The following UNC13C variants were observed in gnomAD, a reference collection of about 807,000 sequenced individuals.
UNC13C encodes the protein unc-13 homolog C.
In UNC13C, 174 loss-of-function variants were observed where a neutral mutation model predicts 245.4. The observed-to-expected ratio is 0.71, with a 90% CI of 0.63 to 0.80. The LOEUF (loss-of-function observed/expected upper bound fraction) is 0.80, where lower values mean the gene tolerates loss of function less well. Ranked by LOEUF, UNC13C falls within the 30% of genes least tolerant of loss-of-function variation. The pLI, the probability that UNC13C is intolerant of heterozygous loss-of-function variation, is 0.00. For missense variants in UNC13C, 2,829 were observed against 2,602.9 expected (o/e 1.09, Z -1.89); for synonymous variants, 992 against 895.1 (o/e 1.11, Z -1.93).
rs141158684 is a variant in UNC13C, at chr15:54,446,761, T to C, written c.4933+31694T>C. Among the ~76,000 whole-genome samples the C allele has an allele frequency of 5.0e-3, 767 of 152,270 alleles. 6 individuals carry two copies. Among genetic ancestry groups the C allele is most frequent in the African/African-American group, 0.017 (717 of 41,552 alleles). On this transcript the variant is annotated intron_variant, in intron 19 of 32. Transcript: ENST00000260323. ...ACAGGGACAAGTTGACTTCCTCTTT[T>C]CCCAGTTGAACGCCCTTTATTTCTT...
chr15:54,313,948 T>G (rs1567180126), intron 13 of UNC13C, among the ~76,000 whole-genome samples: 1 of 151,008 alleles, frequency 6.6e-6, no homozygotes, highest in Non-Finnish European at 1.5e-5. Context: ...CTTTTAGCCT[T>G]AAAAAAAAGA....
intron 20 of UNC13C, among the ~76,000 whole-genome samples, chr15:54,498,442 A>G (rs891371540): frequency 1.3e-5 from 2 of 152,126 alleles, no homozygotes; most frequent in African/African-American, 2.4e-5. Flanking sequence ...GAGTAAAAAA[A>G]GAAATCATGG....
At chr15:54,292,313 A>G (rs8033976) in intron 10 of UNC13C, among the ~76,000 whole-genome samples, 12,610 of 151,952 alleles carry the variant, frequency 0.083, 1,181 homozygotes, top group East Asian at 0.21. Flanking sequence ...GTCATTTTAA[A>G]TCATGCACAC....
In UNC13C at chr15:54,121,064, G is replaced by A. The variant is rs369762918; in HGVS notation, c.2984-21954G>A. ...ATTTAGTTGATAAAGCAGCAGCAGC[G>A]TTTGAGAGGATGGAGTCCAATTTTG... On this transcript the variant is annotated intron_variant, in intron 2 of 32. Coordinates refer to ENST00000260323, the MANE Select transcript of UNC13C (RefSeq NM_001080534.3). Among the ~76,000 whole-genome samples, 84 of 152,260 alleles carry A rather than the reference G, an allele frequency of 5.5e-4. No individual in the cohort carries two copies. The East Asian group carries it at 6.6e-3, about 12-fold the overall frequency.
At chr15:54,143,105 CATATT>C (rs1398860688) in intron 3 of UNC13C, 65 bp downstream of exon 3, 1 of 1,423,642 alleles carries the variant, frequency 7.0e-7, no homozygotes, top group African/African-American at 1.4e-5. Context: ...TTGTTTGTGA[CATATT>C]AGATCTGTTT....
At chr15:54,480,713 C>G (rs1295895374) in intron 19 of UNC13C, among the ~76,000 whole-genome samples, 1 of 151,828 alleles carries the variant, frequency 6.6e-6, no homozygotes, top group Non-Finnish European at 1.5e-5. Context: ...CATATATTTC[C>G]TTTTCTATGA....
the UNC13C span, among the ~76,000 whole-genome samples, chr15:53,931,677 A>G: frequency 1.3e-5 from 2 of 152,118 alleles, no homozygotes; most frequent in Non-Finnish European, 2.9e-5. Flanking sequence ...GAGACAACTA[A>G]ACCAAGGTAT....
chr15:53,926,817 A>G, the UNC13C span, among the ~76,000 whole-genome samples: 1 of 152,134 alleles, frequency 6.6e-6, no homozygotes, highest in Non-Finnish European at 1.5e-5. Flanking sequence ...TTCCAGAGAG[A>G]AGGGCATGGG....
intron 19 of UNC13C, among the ~76,000 whole-genome samples, chr15:54,445,083 G>A (rs1284884118): frequency 2.7e-5 from 4 of 149,604 alleles, no homozygotes; most frequent in African/African-American, 7.4e-5. Flanking sequence ...TTTTGTCCTT[G>A]CGATAGTTTG....
At chr15:54,222,371 A>G (rs554446895) in intron 4 of UNC13C, among the ~76,000 whole-genome samples, 1 of 151,930 alleles carries the variant, frequency 6.6e-6, no homozygotes, top group Non-Finnish European at 1.5e-5. Context: ...TGCCTGGTTT[A>G]TTTCACATAA....
the UNC13C span, among the ~76,000 whole-genome samples, chr15:53,847,415 G>A: frequency 2.6e-5 from 4 of 151,224 alleles, no homozygotes; most frequent in Admixed American, 2.0e-4. Context: ...GGAGTGCAAC[G>A]ATGTGGTCTC....
chr15:54,417,411 C>G (rs1381127913), intron 19 of UNC13C, among the ~76,000 whole-genome samples: 1 of 152,082 alleles, frequency 6.6e-6, no homozygotes, highest in African/African-American at 2.4e-5. Context: ...AGTGCATTTT[C>G]AAACATTTAT....
At chr15:54,192,615 C>T (rs1266578996) in intron 4 of UNC13C, among the ~76,000 whole-genome samples, 1 of 152,100 alleles carries the variant, frequency 6.6e-6, no homozygotes, top group African/African-American at 2.4e-5. Flanking sequence ...ATTTATTTTA[C>T]TGTCATACCA....
intron 2 of UNC13C, among the ~76,000 whole-genome samples, chr15:54,030,495 G>A (rs1896312075): frequency 6.6e-6 from 1 of 152,180 alleles, no homozygotes; most frequent in Non-Finnish European, 1.5e-5. Context: ...AGAAATTATT[G>A]TTAGTAGTAG....
At chr15:54,352,563 G>A (rs894652347) in intron 17 of UNC13C, among the ~76,000 whole-genome samples, 1 of 151,698 alleles carries the variant, frequency 6.6e-6, no homozygotes, top group Non-Finnish European at 1.5e-5. Flanking sequence ...CGTCAGAACA[G>A]TGTCAAACAG....
intron 18 of UNC13C, among the ~76,000 whole-genome samples, chr15:54,413,166 A>G (rs976221067): frequency 1.3e-5 from 2 of 152,034 alleles, no homozygotes; most frequent in African/African-American, 4.8e-5. Flanking sequence ...GTGAGATTAA[A>G]TTTGGTATTT....
the UNC13C span, among the ~76,000 whole-genome samples, chr15:53,853,624 A>T: frequency 1.3e-5 from 2 of 152,310 alleles, no homozygotes; most frequent in Admixed American, 1.3e-4. Flanking sequence ...TTGCAAAAGC[A>T]TTCCTTTTTC....
At chr15:54,516,219 C>T (rs1271558724) in intron 24 of UNC13C, among the ~76,000 whole-genome samples, 1 of 152,140 alleles carries the variant, frequency 6.6e-6, no homozygotes, top group African/African-American at 2.4e-5. Context: ...TCATTTTTCA[C>T]TTGCCACTAG....
At chr15:54,555,392 A>G (rs1476324502) in intron 28 of UNC13C, 40 bp from the exon 29 acceptor site, 1 of 1,556,234 alleles carries the variant, frequency 6.4e-7, no homozygotes, top group South Asian at 1.1e-5. Flanking sequence ...TGAATACATG[A>G]ACTGGTTGTT....
Sources: allele counts gnomAD v4.1 joint callset (sites outside exome capture counted in the v4.1 genomes callset), GRCh38; gene constraint gnomAD v4.1.1; transcripts MANE v1.5; gene names NCBI Gene and HGNC (gene_info 2026-07-23, HGNC 2026-07-21).